The following SLC35F3 variants were observed in gnomAD, a reference collection of about 807,000 sequenced individuals.
The protein encoded by SLC35F3 is solute carrier family 35 member F3.
A neutral mutation model predicts 49.9 loss-of-function variants in SLC35F3; 25 were observed. The ratio of observed to expected loss-of-function variants is 0.50; its 90% confidence interval spans 0.37 to 0.70. SLC35F3 has a LOEUF of 0.70. Ranked by LOEUF, SLC35F3 falls within the 30% of genes least tolerant of loss-of-function variation. SLC35F3 has a pLI of 0.00. For synonymous variants in SLC35F3, 275 were observed against 265.4 expected, an observed-to-expected ratio of 1.04 and a Z score of -0.35; for missense variants, 525 against 639.8, an observed-to-expected ratio of 0.82 and a Z score of 1.94.
Position 234,046,183 on chromosome 1 carries a change from C to CTT in SLC35F3, c.283+140425_283+140426insTT, listed in dbSNP as rs1290749773. 5.9e-5 allele frequency among the ~76,000 whole-genome samples: 9 copies of CTT among 152,252 alleles called. No individual in the cohort carries two copies. The highest frequency in any genetic ancestry group is 2.2e-4 in the African/African-American group (9 of 41,548). On this transcript the variant is annotated intron_variant, in intron 2 of 7. Coordinates refer to ENST00000366618, the MANE Select transcript of SLC35F3 (RefSeq NM_173508.4). The surrounding 1 kb of genome is among the most constrained non-coding windows in gnomAD (Gnocchi z 4.4). ...AAAATTGTGAGGTCAGAGTTATGAG[C>CTT]ATATTTGGCTTTTAAGAGCATGTTA...
intron 2 of SLC35F3, among the ~76,000 whole-genome samples, chr1:234,024,872 G>A (rs1663954307): frequency 6.6e-6 from 1 of 152,136 alleles, no homozygotes; most frequent in Non-Finnish European, 1.5e-5. Context: ...TGTTACATGG[G>A]TAAATTGAGT....
At chr1:234,279,060 A>T (rs1668262492) in intron 3 of SLC35F3, among the ~76,000 whole-genome samples, 1 of 152,156 alleles carries the variant, frequency 6.6e-6, no homozygotes, top group Admixed American at 6.5e-5. Context: ...GCTTGGTTTT[A>T]TGCATTTTAG....
intron 2 of SLC35F3, among the ~76,000 whole-genome samples, chr1:234,090,769 A>G (rs548407402): frequency 6.6e-6 from 1 of 152,326 alleles, no homozygotes; most frequent in Non-Finnish European, 1.5e-5. Context: ...TGAACTGGAC[A>G]AGAGCTGCCC....
At chr1:234,234,901 A>T (rs890400456) in intron 3 of SLC35F3, among the ~76,000 whole-genome samples, 2 of 152,228 alleles carry the variant, frequency 1.3e-5, no homozygotes, top group Admixed American at 6.5e-5. Context: ...CATGCTGTGT[A>T]AACGCGAGGA....
At chr1:234,156,173 T>A (rs1666148805) in intron 2 of SLC35F3, among the ~76,000 whole-genome samples, 1 of 152,130 alleles carries the variant, frequency 6.6e-6, no homozygotes, top group Non-Finnish European at 1.5e-5. Flanking sequence ...AAATTAACAA[T>A]GTCAAGAAAT....
intron 2 of SLC35F3, among the ~76,000 whole-genome samples, chr1:233,981,093 C>A (rs887940382): frequency 6.6e-6 from 1 of 152,166 alleles, no homozygotes; most frequent in African/African-American, 2.4e-5. Context: ...ACTGTGTATG[C>A]CTCATTCAGT....
intron 2 of SLC35F3, among the ~76,000 whole-genome samples, chr1:233,983,509 C>T (rs779205052): frequency 3.3e-5 from 5 of 152,166 alleles, no homozygotes; most frequent in East Asian, 3.8e-4. Flanking sequence ...GAGTATAAAA[C>T]GTGAAAAATA....
In SLC35F3 at chr1:234,231,502, C is replaced by T. The variant is rs1410433885; in HGVS notation, c.369C>T (p.Arg123=). Residue 123 remains arginine (R), a synonymous_variant, in exon 3 of 8, where the codon CGC becomes CGT. Coordinates refer to ENST00000366618, the MANE Select transcript of SLC35F3 (RefSeq NM_173508.4). The surrounding 1 kb of genome is among the most constrained non-coding windows in gnomAD (Gnocchi z 5.4). ...AGGCCGGCGGGAGAGCGAGTCGCCG[C>T]TGCTGGACGTGCTCCCGGGCGCAAC... The part of the protein sequence containing the change: ...GVEAGGRASR[R]CWTCSRAQLK... 1 of 1,613,476 alleles carries T rather than the reference C, an allele frequency of 6.2e-7. No individual in the cohort carries two copies. Among genetic ancestry groups the T allele is most frequent in the East Asian group, 2.2e-5 (1 of 44,844 alleles).
intron 2 of SLC35F3, among the ~76,000 whole-genome samples, chr1:234,171,411 G>A (rs758645395): frequency 1.3e-5 from 2 of 152,156 alleles, no homozygotes; most frequent in Non-Finnish European, 2.9e-5. Flanking sequence ...CAGTGGGGGC[G>A]ATGTGATCTG....
chr1:234,300,692 C>T (rs906044981), intron 3 of SLC35F3, among the ~76,000 whole-genome samples: 1 of 152,156 alleles, frequency 6.6e-6, no homozygotes, highest in Non-Finnish European at 1.5e-5. Flanking sequence ...AGGGGATATA[C>T]GAGCTGATAC....
At chr1:233,994,847 GA>G (rs113657320) in intron 2 of SLC35F3, among the ~76,000 whole-genome samples, 8,607 of 143,482 alleles carry the variant, frequency 0.06, 599 homozygotes, top group African/African-American at 0.17. Context: ...AAACAAACAA[GA>G]AAAAAAAAAA....
intron 2 of SLC35F3, among the ~76,000 whole-genome samples, chr1:233,958,582 T>A (rs1467341112): frequency 5.3e-5 from 8 of 152,220 alleles, no homozygotes; most frequent in African/African-American, 1.9e-4. Flanking sequence ...TGAATCTTGA[T>A]CAAGAGAGGG....
intron 2 of SLC35F3, among the ~76,000 whole-genome samples, chr1:234,097,196 G>A (rs1375078205): frequency 6.6e-6 from 1 of 151,886 alleles, no homozygotes; most frequent in Non-Finnish European, 1.5e-5. Context: ...GACTACTTTG[G>A]GAAATTCTTT....
chr1:234,102,377 C>A (rs554830569), intron 2 of SLC35F3, among the ~76,000 whole-genome samples: 1 of 151,978 alleles, frequency 6.6e-6, no homozygotes, highest in East Asian at 1.9e-4. Flanking sequence ...TATCATGATT[C>A]CTTGTTTTGA....
Position 234,249,729 on chromosome 1 carries a change from G to A in SLC35F3, c.608+17988G>A, listed in dbSNP as rs773615660. 1.8e-4 allele frequency among the ~76,000 whole-genome samples: 28 copies of A among 152,350 alleles called. 1 individual carries two copies. The highest frequency in any genetic ancestry group is 5.2e-4 in the Admixed American group (8 of 15,302). ...ATTCAAATGGTCTCTCACCATTATC[G>A]TTCATGGGTGAACTTGACACTTTAG... On this transcript the variant is annotated intron_variant, in intron 3 of 7. Transcript: ENST00000366618.
intron 3 of SLC35F3, among the ~76,000 whole-genome samples, chr1:234,300,720 A>T (rs1668679715): frequency 6.6e-6 from 1 of 152,244 alleles, no homozygotes; most frequent in Admixed American, 6.5e-5. Context: ...ATGGAAATTA[A>T]CCAACCAAAG....
intron 2 of SLC35F3, among the ~76,000 whole-genome samples, chr1:233,935,577 C>CT (rs1037613005): frequency 2.0e-5 from 3 of 152,060 alleles, no homozygotes; most frequent in Admixed American, 2.0e-4. Flanking sequence ...CTTTTGCTTT[C>CT]TGTAAGGGTT....
At chr1:234,141,857 C>T (rs1665918759) in intron 2 of SLC35F3, among the ~76,000 whole-genome samples, 1 of 152,186 alleles carries the variant, frequency 6.6e-6, no homozygotes, top group South Asian at 2.1e-4. Flanking sequence ...CCTACTCATC[C>T]TAGGATCTTT....
intron 2 of SLC35F3, among the ~76,000 whole-genome samples, chr1:234,056,420 A>T (rs1664457519): frequency 1.3e-5 from 2 of 152,134 alleles, no homozygotes; most frequent in Non-Finnish European, 2.9e-5. Context: ...TGTACAACTC[A>T]ATGTATATTA....
Sources: gnomAD v4.1 joint callset for allele counts (sites outside exome capture counted in the v4.1 genomes callset) on GRCh38, gnomAD v4.1.1 for gene constraint, Gnocchi (gnomAD v3.1) non-coding constraint, MANE v1.5 for transcripts, NCBI Gene and HGNC (gene_info 2026-07-23, HGNC 2026-07-21) for gene names.